The following SPIDR variants were observed in gnomAD, a reference collection of about 807,000 sequenced individuals.
SPIDR encodes scaffold protein involved in DNA repair, also known as DNA repair-scaffolding protein.
Under a neutral mutation model 104.6 loss-of-function variants are expected in SPIDR, and 93 were observed. The ratio of observed to expected loss-of-function variants is 0.89; its 90% CI spans 0.75 to 1.06. SPIDR has a LOEUF of 1.06. SPIDR is among the 50% of genes least tolerant of loss of function. The pLI, the probability that SPIDR is intolerant of heterozygous loss-of-function variation, is 0.00. For synonymous variants in SPIDR, 431 were observed against 416.9 expected (o/e 1.03, Z -0.41); for missense variants, 1,154 against 1,111.2 (o/e 1.04, Z -0.55).
At chr8:47,699,425 T>G (rs1563583238) in intron 11 of SPIDR, among the ~76,000 whole-genome samples, 1 of 152,174 alleles carries the variant, frequency 6.6e-6, no homozygotes, top group Non-Finnish European at 1.5e-5. Flanking sequence ...CTGTTCCCCA[T>G]CTCTGTTAAC....
chr8:47,294,623 G>T (rs1554571607), intron 5 of SPIDR, among the ~76,000 whole-genome samples: 2 of 151,978 alleles, frequency 1.3e-5, no homozygotes, highest in Non-Finnish European at 2.9e-5. Context: ...TGAAAGGATA[G>T]AAATCTATTT....
chr8:47,424,130 A>G (rs1214293811), intron 7 of SPIDR, among the ~76,000 whole-genome samples: 1 of 152,178 alleles, frequency 6.6e-6, no homozygotes, highest in Non-Finnish European at 1.5e-5. Context: ...TTGGTGGCCC[A>G]TGTTCATAGC....
chr8:47,380,205 C>T (rs1169366288), intron 5 of SPIDR, among the ~76,000 whole-genome samples: 3 of 152,208 alleles, frequency 2.0e-5, no homozygotes, highest in African/African-American at 7.2e-5. Context: ...CACAGCAACG[C>T]GTGCTGCCCC....
At chr8:47,427,606 C>T (rs2066623764) in intron 7 of SPIDR, among the ~76,000 whole-genome samples, 2 of 152,194 alleles carry the variant, frequency 1.3e-5, no homozygotes, top group Admixed American at 6.5e-5. Context: ...TCTGCACCCT[C>T]CTTGTTACCT....
At chr8:47,463,367 A>C (rs1217881483) in intron 8 of SPIDR, among the ~76,000 whole-genome samples, 1 of 152,086 alleles carries the variant, frequency 6.6e-6, no homozygotes, top group Non-Finnish European at 1.5e-5. Flanking sequence ...TCTCAAAAAA[A>C]AAAAAGGAAA....
chr8:47,284,092 A>C lies in SPIDR; in HGVS notation c.254A>C (p.Gln85Pro). ...KHLELCPRPK[Q>P]ETTTSKSTSG... The stretch of plus-strand genomic sequence containing the variant: ...CTTGAATTATGCCCTAGACCCAAGC[A>C]AGGTAACTATTTTGTTGATTTCTTG... Residue 85 changes from glutamine (Q) to proline (P), a missense_variant and splice_region_variant, in exon 3 of 20, where the codon CAA (glutamine) becomes CCA (proline). Coordinates refer to ENST00000297423, the MANE Select transcript of SPIDR (RefSeq NM_001080394.4). 1 of 1,608,754 alleles carries C rather than the reference A, an allele frequency of 6.2e-7. No homozygotes were observed. Among genetic ancestry groups the C allele is most frequent in the South Asian group, 1.1e-5 (1 of 90,438 alleles).
At chr8:47,280,076 G>A (rs1433777403) in intron 2 of SPIDR, 59 bp downstream of exon 2, 1 of 1,532,068 alleles carries the variant, frequency 6.5e-7, no homozygotes, top group African/African-American at 1.4e-5. Context: ...TGAGTGTTCA[G>A]AACATTGTAA....
intron 8 of SPIDR, among the ~76,000 whole-genome samples, chr8:47,468,707 A>G (rs2075265263): frequency 6.6e-6 from 1 of 152,188 alleles, no homozygotes; most frequent in African/African-American, 2.4e-5. Context: ...AGATGGATCA[A>G]AAATGTAAAA....
intron 8 of SPIDR, among the ~76,000 whole-genome samples, chr8:47,575,925 T>C: frequency 6.7e-6 from 1 of 148,288 alleles, no homozygotes; most frequent in Non-Finnish European, 1.5e-5. Context: ...GCGCCACTGC[T>C]TTCCAGCCTG....
intron 5 of SPIDR, among the ~76,000 whole-genome samples, chr8:47,321,822 C>G (rs1282571855): frequency 2.6e-5 from 4 of 152,068 alleles, no homozygotes; most frequent in Non-Finnish European, 5.9e-5. Context: ...TTTGACAAAC[C>G]TGACAAAAAC....
At chr8:47,419,683 C>T (rs1184742241) in intron 7 of SPIDR, among the ~76,000 whole-genome samples, 6 of 152,058 alleles carry the variant, frequency 3.9e-5, no homozygotes, top group Non-Finnish European at 7.4e-5. Context: ...TTTGCTCTTG[C>T]TTTTCTAGTT....
intron 7 of SPIDR, among the ~76,000 whole-genome samples, chr8:47,437,866 T>G: frequency 6.6e-6 from 1 of 152,216 alleles, no homozygotes; most frequent in Non-Finnish European, 1.5e-5. Context: ...AAATACCATT[T>G]GACCCAGCCA....
At chr8:47,734,978 CTG>C (rs1041800538) in intron 19 of SPIDR, among the ~76,000 whole-genome samples, 5 of 152,162 alleles carry the variant, frequency 3.3e-5, no homozygotes, top group African/African-American at 1.2e-4. Context: ...GCTGTGGGCA[CTG>C]TGTGCCCAGC....
chr8:47,406,543 C>T (rs1280347872), intron 6 of SPIDR, among the ~76,000 whole-genome samples: 6 of 152,088 alleles, frequency 3.9e-5, no homozygotes, highest in African/African-American at 1.4e-4. Context: ...TTTTCTGTTA[C>T]ATGTACTACA....
chr8:47,312,355 G>A (rs587641387), intron 5 of SPIDR, among the ~76,000 whole-genome samples: 17,403 of 151,890 alleles, frequency 0.11, 1,601 homozygotes, highest in African/African-American at 0.26. Context: ...AAGTGTTCCT[G>A]TTTCTCCACA....
intron 10 of SPIDR, among the ~76,000 whole-genome samples, chr8:47,616,206 G>A (rs1405253653): frequency 6.6e-6 from 1 of 152,092 alleles, no homozygotes; most frequent in Non-Finnish European, 1.5e-5. Context: ...GTACAGCGTT[G>A]AATGGAAGTA....
intron 5 of SPIDR, among the ~76,000 whole-genome samples, chr8:47,329,363 G>A (rs1014227762): frequency 1.3e-5 from 2 of 152,054 alleles, no homozygotes; most frequent in South Asian, 2.1e-4. Flanking sequence ...GAGCCACCGC[G>A]CCCGACCCAA....
At chr8:47,462,844 A>C (rs1554714457) in intron 8 of SPIDR, among the ~76,000 whole-genome samples, 4 of 152,164 alleles carry the variant, frequency 2.6e-5, no homozygotes, top group Non-Finnish European at 4.4e-5. Flanking sequence ...CCACGAAAAA[A>C]CTGGTCAAAT....
At chr8:47,347,275 C>A (rs1201884097) in intron 5 of SPIDR, among the ~76,000 whole-genome samples, 2 of 152,296 alleles carry the variant, frequency 1.3e-5, no homozygotes, top group East Asian at 3.9e-4. Context: ...GTTTCTTAAT[C>A]CTGAGATCTA....
Sources: allele counts gnomAD v4.1 joint callset (sites outside exome capture counted in the v4.1 genomes callset), GRCh38; gene constraint gnomAD v4.1.1; transcripts MANE v1.5; gene names NCBI Gene and HGNC (gene_info 2026-07-23, HGNC 2026-07-21).